FBN3: variants seen among roughly 807,000 people sequenced by gnomAD.
The protein encoded by FBN3 is fibrillin 3.
FBN3 carries 234 observed loss-of-function variants against 330.1 expected under a neutral mutation model. That is an observed-to-expected ratio of 0.71 (90% CI 0.64 to 0.79). FBN3 has a LOEUF of 0.79. Ranked by LOEUF, FBN3 falls within the 30% of genes least tolerant of loss-of-function variation. The pLI, the probability that FBN3 is intolerant of heterozygous loss-of-function variation, is 0.00. For synonymous variants in FBN3, 1,458 were observed against 1,517.3 expected (o/e 0.96, Z 0.91); for missense variants, 3,606 against 3,886.9 (o/e 0.93, Z 1.92).
chr19:8,123,268 C>T (rs1054529205), intron 24 of FBN3, among the ~76,000 whole-genome samples, 196 bp downstream of exon 24: 3 of 151,846 alleles, frequency 2.0e-5, no homozygotes, highest in Admixed American at 1.3e-4. Flanking sequence ...GCAGGAGAGT[C>T]GCTTGAACCT....
At chr19:8,104,166 A>AG (rs1491181368) in intron 38 of FBN3, among the ~76,000 whole-genome samples, 4 of 1,490 alleles carry the variant, frequency 2.7e-3, no homozygotes, top group Non-Finnish European at 8.5e-3. Flanking sequence ...ACATTAAGTG[A>AG]AAAAAAAAAA....
rs774890136 is a variant in FBN3 at position 8,089,595 on chromosome 19, C to G, written c.6326G>C (p.Cys2109Ser). The G allele has an allele frequency of 6.2e-7, 1 of 1,614,226 alleles. No homozygotes were observed. The highest frequency in any genetic ancestry group is 8.5e-7 in the Non-Finnish European group (1 of 1,180,034). ...VCVNTDGSFR[C>S]ECPFGYSLDF... is the part of the protein sequence containing the mutation. ...CAGGCTGTAGCCAAAGGGACACTCACAGCGGAAGGATCCATCGGTGTTGAC... is the reference window on the plus strand; with the variant it reads ...CAGGCTGTAGCCAAAGGGACACTCAGAGCGGAAGGATCCATCGGTGTTGAC... Residue 2109 changes from cysteine to serine, a missense_variant, in exon 51 of 64, where the codon TGT (cysteine) becomes TCT (serine). By Grantham distance (112) the Cys-to-Ser change is moderately radical (BLOSUM62 -1). Coordinates refer to ENST00000600128, the MANE Select transcript of FBN3 (RefSeq NM_032447.5).
chr19:8,070,618 C>G (rs1599253907), intron 63 of FBN3, among the ~76,000 whole-genome samples: 1 of 152,194 alleles, frequency 6.6e-6, no homozygotes, highest in African/African-American at 2.4e-5. Context: ...AAAGAGAAGT[C>G]CACGTGCCAT....
At chr19:8,135,936 G>GGGGGGGGGGGGGGGGGGGGCGCCCCCCCC in intron 13 of FBN3, 25 bp downstream of exon 13, 1 of 668,776 alleles carries the variant, frequency 1.5e-6, no homozygotes, top group Non-Finnish European at 2.4e-6. Flanking sequence ...GGAAGCCCCT[G>GGGGGGGGGGGGGGGGGGGGCGCCCCCCCC]CCCACCCGCC....
chr19:8,141,365 CAAAAA>C (rs56688351), intron 8 of FBN3, among the ~76,000 whole-genome samples: 1 of 78,966 alleles, frequency 1.3e-5, no homozygotes. Flanking sequence ...GACTCTGTCT[CAAAAA>C]AAAAAAAAAA....
intron 34 of FBN3, among the ~76,000 whole-genome samples, chr19:8,110,409 C>T (rs2082550180): frequency 6.6e-6 from 1 of 152,138 alleles, no homozygotes; most frequent in South Asian, 2.1e-4. Context: ...CAAATTCCAA[C>T]CTGTAGGTCA....
In FBN3 at chr19:8,147,426, C is replaced by A. The variant is rs61729598; in HGVS notation, c.55G>T (p.Ala19Ser). 1.9e-6 allele frequency: 3 copies of A among 1,583,932 alleles called. No individual in the cohort carries two copies. The highest frequency in any genetic ancestry group is 2.6e-6 in the Non-Finnish European group (3 of 1,166,994). The change falls in exon 2 of 64, where the codon GCC (alanine) becomes TCC (serine). Residue 19 changes from alanine to serine, a missense_variant. Coordinates refer to ENST00000600128, the MANE Select transcript of FBN3 (RefSeq NM_032447.5). The stretch of plus-strand genomic sequence containing the variant: ...GCCATGCACAACAGGGCCGACCAGG[C>A]CAGCAGGAGCCGGGCCAGGGGGCCC... Reference protein sequence around the residue: ...ARGPLARLLLAWSALLCMAGG... With the variant: ...ARGPLARLLLSWSALLCMAGG...
At chr19:8,114,555 TA>T in intron 30 of FBN3, among the ~76,000 whole-genome samples, 1 of 152,130 alleles carries the variant, frequency 6.6e-6, no homozygotes, top group Non-Finnish European at 1.5e-5. Flanking sequence ...GGCTAATTTT[TA>T]AAATTTTTAA....
Position 8,149,374 on chromosome 19 carries a change from C to A in FBN3, c.-18+75G>T, listed in dbSNP as rs898704596. 1 of 151,522 alleles carries A rather than the reference C, an allele frequency of 6.6e-6. No individual in the cohort carries two copies. Among genetic ancestry groups the A allele is most frequent in the Non-Finnish European group, 1.5e-5 (1 of 67,792 alleles). 9.4% of individuals were successfully genotyped at this position (151,522 alleles called of 1,614,324 possible). On this transcript the variant is annotated intron_variant, in intron 1 of 63. Transcript: ENST00000600128. The surrounding 1 kb of genome is among the most constrained non-coding windows in gnomAD (Gnocchi z 5.5). ...AATCCTCTCCCCCTCCCCCTGCCGG[C>A]CCCCCCGCCCCCGCCTTCTCCACCC...
At chr19:8,135,274 A>T (rs920592480) in intron 13 of FBN3, among the ~76,000 whole-genome samples, 80 of 151,364 alleles carry the variant, frequency 5.3e-4, no homozygotes, top group African/African-American at 1.9e-3. Flanking sequence ...AGCTTGGCAT[A>T]AAAAAAAATT....
chr19:8,126,097 G>A, intron 21 of FBN3, 80 bp from the exon 22 acceptor site: 1 of 1,588,108 alleles, frequency 6.3e-7, no homozygotes. Flanking sequence ...GTCTCAAGTT[G>A]TCCTTGAGGA....
Position 8,109,707 on chromosome 19 carries a change from G to A in FBN3, c.4380C>T (p.Cys1460=). ...AGAGGTAGCTGCCGGGGGTGTTAAT[G>A]CACACGCCGTTGATGCAGTTTACTG... The part of the protein sequence containing the change: ...ADPVNCINGV[C]INTPGSYLCS... Residue 1460 remains cysteine (C), a synonymous_variant, in exon 35 of 64, where the codon TGC becomes TGT. Transcript: ENST00000600128. This position sits in a 1 kb window ranked among gnomAD's most constrained non-coding sequence, Gnocchi z 5.2. 1 of 1,551,478 alleles carries A rather than the reference G, an allele frequency of 6.4e-7. No individual in the cohort carries two copies. The highest frequency in any genetic ancestry group is 8.7e-7 in the Non-Finnish European group (1 of 1,151,176).
chr19:8,121,772 CAG>C lies in FBN3; in HGVS notation c.3083-388_3083-387del, dbSNP rs1401159188. Among the ~76,000 whole-genome samples, 2 of 151,656 alleles carry C rather than the reference CAG, an allele frequency of 1.3e-5. No individual in the cohort carries two copies. Among genetic ancestry groups the C allele is most frequent in the Non-Finnish European group, 2.9e-5 (2 of 67,960 alleles). ...ATTTATTTATTTACTTTTTTAGAGA[CAG>C]AGTCTTGCTCTGTCACCCAGGATGG... On this transcript the variant is annotated intron_variant, in intron 24 of 63. Coordinates refer to ENST00000600128, the MANE Select transcript of FBN3 (RefSeq NM_032447.5). This position sits in a 1 kb window ranked among gnomAD's most constrained non-coding sequence, Gnocchi z 4.5.
Position 8,081,448 on chromosome 19 carries a change from A to G in FBN3, c.7246T>C (p.Cys2416Arg), listed in dbSNP as rs779644846. 3.1e-6 allele frequency: 5 copies of G among 1,611,900 alleles called. No homozygotes were observed. In the South Asian group the frequency reaches 3.3e-5, roughly 11 times the overall value. Residue 2416 changes from cysteine (C) to arginine (R), a missense_variant, in exon 58 of 64, where the codon TGT becomes CGT. Cys to Arg is a radical substitution (Grantham distance 180, BLOSUM62 -3). Coordinates refer to ENST00000600128, the MANE Select transcript of FBN3 (RefSeq NM_032447.5). ...TTCGTGTTTTTGCAGAGGAAGGTAC[A>G]TGGCTTGGGGACCTGGCTGCACTCA... ...MDECSQVPKPCTFLCKNTKGS... is the reference protein window; with the variant it reads ...MDECSQVPKPRTFLCKNTKGS...
chr19:8,090,232 G>A lies in FBN3; in HGVS notation c.6051C>T (p.Cys2017=). 1.2e-6 allele frequency: 2 copies of A among 1,613,992 alleles called. No individual in the cohort carries two copies. The highest frequency in any genetic ancestry group is 8.5e-7 in the Non-Finnish European group (1 of 1,180,004). Residue 2017 remains cysteine (C), a synonymous_variant, in exon 49 of 64, where the codon TGC becomes TGT. Transcript: ENST00000600128. ...HRCFDTRQSF[C]FTRFEAGKCS... is the part of the protein sequence containing the mutation. ...ACTTCCCAGCCTCAAAACGGGTGAA[G>A]CAGAAACTCTGCCGTGTGTCTGTGG...
At chr19:8,094,053 G>A (rs2082157196) in intron 47 of FBN3, among the ~76,000 whole-genome samples, 1 of 152,036 alleles carries the variant, frequency 6.6e-6, no homozygotes, top group African/African-American at 2.4e-5. Flanking sequence ...GTGGATAAAT[G>A]GACCAAAGGA....
At chr19:8,075,044 A>G (rs1233602169) in intron 61 of FBN3, 27 bp downstream of exon 61, 4 of 1,596,210 alleles carry the variant, frequency 2.5e-6, no homozygotes, top group Non-Finnish European at 3.4e-6. Flanking sequence ...TGGAGGGCCC[A>G]GCTTCTTCCC....
chr19:8,132,948 T>G, intron 14 of FBN3, 36 bp downstream of exon 14: 1 of 1,521,458 alleles, frequency 6.6e-7, no homozygotes, highest in East Asian at 2.5e-5. Context: ...CCATCTCCCT[T>G]CTCCCCTCCG....
chr19:8,126,434 A>C (rs1490813265), intron 20 of FBN3, 34 bp downstream of exon 20: 11 of 1,601,884 alleles, frequency 6.9e-6, no homozygotes, highest in South Asian at 2.2e-5. Context: ...GGCTTTTCCC[A>C]TGGGTGCCTG....
Sources: allele counts gnomAD v4.1 joint callset (sites outside exome capture counted in the v4.1 genomes callset), GRCh38; gene constraint gnomAD v4.1.1; non-coding constraint Gnocchi (gnomAD v3.1); transcripts MANE v1.5; gene names NCBI Gene and HGNC (gene_info 2026-07-23, HGNC 2026-07-21).